MGST1: variants seen among roughly 807,000 people sequenced by gnomAD.
The protein encoded by MGST1 is glutathione S-transferase 12.
A neutral mutation model predicts 8.9 loss-of-function variants in MGST1; 5 were observed. The ratio of observed to expected loss-of-function variants is 0.56; its 90% CI spans 0.29 to 1.19. The LOEUF is 1.19. MGST1 is among the 50% of genes most tolerant of loss of function. MGST1 has a pLI of 0.08. For synonymous variants in MGST1, 54 were observed against 67.8 expected (o/e 0.80, Z 1.00); for missense variants, 182 against 187.4 (o/e 0.97, Z 0.17).
intron 1 of MGST1, among the ~76,000 whole-genome samples, chr12:16,348,167 A>G (rs1287631004): frequency 6.6e-6 from 1 of 152,232 alleles, no homozygotes; most frequent in Non-Finnish European, 1.5e-5. Flanking sequence ...GTAAGGCAGG[A>G]TTTGCTCTTC....
chr12:16,461,878 T>G (rs1941224178), intron 4 of MGST1, among the ~76,000 whole-genome samples: 1 of 152,140 alleles, frequency 6.6e-6, no homozygotes, highest in South Asian at 2.1e-4. Flanking sequence ...CCAACCACCT[T>G]TTAATCTTAC....
chr12:16,374,544 C>G (rs1208390112), intron 3 of MGST1, among the ~76,000 whole-genome samples: 1 of 151,920 alleles, frequency 6.6e-6, no homozygotes, highest in African/African-American at 2.4e-5. Flanking sequence ...GCATTTTAAA[C>G]TATATTTTAA....
chr12:16,453,014 AT>A (rs1320825075), intron 4 of MGST1, among the ~76,000 whole-genome samples: 2 of 151,990 alleles, frequency 1.3e-5, no homozygotes, highest in African/African-American at 4.8e-5. Context: ...CCCAATCTTA[AT>A]TTAACAGGAT....
At chr12:16,480,857 G>C (rs1297060626) in intron 4 of MGST1, among the ~76,000 whole-genome samples, 1 of 152,090 alleles carries the variant, frequency 6.6e-6, no homozygotes, top group African/African-American at 2.4e-5. Context: ...GACCATTTGA[G>C]GCCAGTTTGA....
At chr12:16,398,294 C>T (rs1380683586) in intron 1 of MGST1, among the ~76,000 whole-genome samples, 1 of 152,148 alleles carries the variant, frequency 6.6e-6, no homozygotes, top group Non-Finnish European at 1.5e-5. Flanking sequence ...GCAAGATAAA[C>T]TCCCCAAATG....
downstream of MGST1, among the ~76,000 whole-genome samples, chr12:16,591,735 G>C (rs1943500834): frequency 6.6e-6 from 1 of 152,022 alleles, no homozygotes; most frequent in Non-Finnish European, 1.5e-5. The surrounding 1 kb of genome is among the most constrained non-coding windows in gnomAD (Gnocchi z 4.1). Context: ...AATACAAATA[G>C]CATGAAAGTT....
chr12:16,464,720 C>T (rs1317687079), intron 4 of MGST1, among the ~76,000 whole-genome samples: 1 of 152,196 alleles, frequency 6.6e-6, no homozygotes, highest in African/African-American at 2.4e-5. Flanking sequence ...GTTCAATGTT[C>T]CTGAATGGCA....
chr12:16,580,793 T>G (rs915412927), intron 4 of MGST1, among the ~76,000 whole-genome samples: 4 of 152,180 alleles, frequency 2.6e-5, no homozygotes, highest in Admixed American at 6.5e-5. Flanking sequence ...TTTGCTAATC[T>G]CTATTGTTAA....
chr12:16,377,416 G>A (rs868828360), downstream of MGST1, among the ~76,000 whole-genome samples: 3 of 150,966 alleles, frequency 2.0e-5, no homozygotes, highest in Admixed American at 6.6e-5. Context: ...TTGTCCTTGC[G>A]ATAGTTTGCT....
At chr12:16,523,070 AC>A (rs1941659035) in intron 4 of MGST1, among the ~76,000 whole-genome samples, 1 of 152,052 alleles carries the variant, frequency 6.6e-6, no homozygotes. Flanking sequence ...AGACCTGAAA[AC>A]AAAATAAAAG....
intron 4 of MGST1, among the ~76,000 whole-genome samples, chr12:16,538,709 C>T (rs1022103610): frequency 1.1e-4 from 17 of 151,124 alleles, no homozygotes; most frequent in African/African-American, 3.4e-4. Context: ...CTGGGGTTCA[C>T]GCCATTCTCC....
chr12:16,563,526 A>G (rs1240764002), intron 4 of MGST1, among the ~76,000 whole-genome samples: 1 of 152,164 alleles, frequency 6.6e-6, no homozygotes, highest in Non-Finnish European at 1.5e-5. Context: ...GGAAATATTT[A>G]AAAACAGTCT....
chr12:16,347,942 G>A lies in MGST1; in HGVS notation c.-23+232G>A, dbSNP rs1314114945. The A allele has an allele frequency of 6.6e-6, 1 of 152,238 alleles. No individual in the cohort carries two copies. The highest frequency in any genetic ancestry group is 2.4e-5 in the African/African-American group (1 of 41,454). The allele number at this position is 152,238 out of a possible 1,614,324, so 9.4% of individuals were successfully genotyped here. A position where few individuals can be genotyped will look rare whatever the true frequency, so the allele number is the denominator to read the frequency against. ...CAAACTCCAGGAATGAAACGAGAGA[G>A]TCTTTTCATGCTTGAGTGATGATTT... On this transcript the variant is annotated intron_variant, in intron 1 of 3. Transcript: ENST00000396210. This position sits in a 1 kb window ranked among gnomAD's most constrained non-coding sequence, Gnocchi z 4.0.
chr12:16,376,662 A>T (rs1239016182), exon 4 of MGST1: 3 of 152,222 alleles, frequency 2.0e-5, no homozygotes, highest in African/African-American at 7.2e-5. Flanking sequence ...TTTAAAAACC[A>T]AAGTAGAAAG....
chr12:16,395,980 T>G (rs1043528956), intron 1 of MGST1, among the ~76,000 whole-genome samples: 3 of 152,042 alleles, frequency 2.0e-5, no homozygotes, highest in Non-Finnish European at 4.4e-5. Flanking sequence ...GTAGTGGAAC[T>G]GCTAGATCAA....
chr12:16,579,222 C>T (rs896772377), intron 4 of MGST1, among the ~76,000 whole-genome samples: 8 of 151,936 alleles, frequency 5.3e-5, no homozygotes, highest in Admixed American at 1.3e-4. Context: ...TTAGGGTAAC[C>T]GTCATTAAAT....
chr12:16,503,879 G>A lies in MGST1; in HGVS notation n.483-85649G>A, dbSNP rs988452162. Among the ~76,000 whole-genome samples the A allele has an allele frequency of 6.6e-6, 1 of 152,168 alleles. No individual in the cohort carries two copies. The highest frequency in any genetic ancestry group is 1.5e-5 in the Non-Finnish European group (1 of 68,038). Reference sequence around the variant, plus strand: ...AATATGACTGCATAACTACCTCAGAGCTGCCACTCTGGGCACATTGCCTAT... The same window carrying A: ...AATATGACTGCATAACTACCTCAGAACTGCCACTCTGGGCACATTGCCTAT... On this transcript the variant is annotated intron_variant and non_coding_transcript_variant, in intron 4 of 4. Transcript: ENST00000538857. The surrounding 1 kb of genome is among the most constrained non-coding windows in gnomAD (Gnocchi z 4.8).
At chr12:16,360,708 A>C (rs958191804) in intron 3 of MGST1, among the ~76,000 whole-genome samples, 1 of 152,216 alleles carries the variant, frequency 6.6e-6, no homozygotes, top group Non-Finnish European at 1.5e-5. Context: ...ATTTAGGGAC[A>C]GGAGAGACAT....
At chr12:16,511,387 G>A (rs1941576551) in intron 4 of MGST1, among the ~76,000 whole-genome samples, 1 of 152,192 alleles carries the variant, frequency 6.6e-6, no homozygotes, top group Admixed American at 6.5e-5. Context: ...AAGGATTAGA[G>A]CTTTCTCCAT....
Sources: allele counts gnomAD v4.1 joint callset (sites outside exome capture counted in the v4.1 genomes callset), GRCh38; gene constraint gnomAD v4.1.1; non-coding constraint Gnocchi (gnomAD v3.1); transcripts MANE v1.5; gene names NCBI Gene and HGNC (gene_info 2026-07-23, HGNC 2026-07-21).